Variants in ARPC2 observed in about 807,000 individuals in gnomAD.
The protein encoded by ARPC2 is actin-related protein 2/3 complex subunit 2.
ARPC2 carries 4 observed loss-of-function variants against 38.6 expected under a neutral mutation model. The observed-to-expected ratio is 0.10, with a 90% CI of 0.05 to 0.24. The LOEUF is 0.24. Ranked by LOEUF, ARPC2 falls within the 10% of genes least tolerant of loss-of-function variation. The pLI is 1.00. For missense variants in ARPC2, 229 were observed against 387.3 expected, an observed-to-expected ratio of 0.59 and a Z score of 3.43; for synonymous variants, 125 against 140.8, an observed-to-expected ratio of 0.89 and a Z score of 0.79.
At chr2:218,226,010 A>T (rs1353247764) in intron 3 of ARPC2, 56 bp downstream of exon 3, 1 of 1,582,330 alleles carries the variant, frequency 6.3e-7, no homozygotes, top group East Asian at 2.2e-5. Context: ...AAAATAGGAA[A>T]TAGGCTGGGT....
At chr2:218,229,620 T>A (rs952893489) in intron 4 of ARPC2, among the ~76,000 whole-genome samples, 1 of 152,242 alleles carries the variant, frequency 6.6e-6, no homozygotes, top group Non-Finnish European at 1.5e-5. Context: ...TGAAAAGTAG[T>A]AGCTTTTGAA....
chr2:218,226,159 G>T (rs1689491093), intron 3 of ARPC2, among the ~76,000 whole-genome samples: 1 of 151,844 alleles, frequency 6.6e-6, no homozygotes, highest in Non-Finnish European at 1.5e-5. Flanking sequence ...CGGGCATGGT[G>T]GTGGGCACCT....
intron 5 of ARPC2, 141 bp from the exon 6 acceptor site, chr2:218,238,523 T>C (rs1311419578): frequency 5.2e-6 from 3 of 572,702 alleles, no homozygotes; most frequent in Non-Finnish European, 9.0e-6. Flanking sequence ...AAAATGTCAA[T>C]AGAACCTGAA....
At position 218,253,913 on chromosome 2, in the gene ARPC2, T is replaced by G; in HGVS notation, c.901T>G (p.Ter301GluextTer4). The change falls in exon 11 of 11, where the codon TAA becomes GAA. Residue 301 changes from the stop codon to glutamate, a stop_lost. Transcript: ENST00000315717. ...AAGGGGGAAGACGTTTTCATCCCGC[T>G]AATCTTGGGAATAAGAGGAGGAAGC... ...TITGKTFSSR[*>E] The G allele has an allele frequency of 6.2e-7, 1 of 1,614,064 alleles. No homozygotes were observed. The highest frequency in any genetic ancestry group is 8.5e-7 in the Non-Finnish European group (1 of 1,179,992).
At chr2:218,226,270 C>T (rs557355987) in intron 3 of ARPC2, among the ~76,000 whole-genome samples, 4 of 149,038 alleles carry the variant, frequency 2.7e-5, no homozygotes, top group African/African-American at 9.9e-5. Flanking sequence ...CCAGCCTGGG[C>T]GATACAGTGA....
intron 2 of ARPC2, among the ~76,000 whole-genome samples, chr2:218,224,673 AC>A (rs1689457115): frequency 1.6e-5 from 2 of 126,582 alleles, no homozygotes; most frequent in South Asian, 6.3e-4. Flanking sequence ...TCGTAGAGAT[AC>A]CCAGTGCGCT....
intron 4 of ARPC2, 32 bp downstream of exon 4, chr2:218,228,882 T>A (rs777467549): frequency 7.2e-7 from 1 of 1,393,742 alleles, no homozygotes; most frequent in South Asian, 1.2e-5. Flanking sequence ...TTGGGACTCT[T>A]GTTTCCTCAC....
intron 4 of ARPC2, among the ~76,000 whole-genome samples, chr2:218,231,999 G>A (rs552976521): frequency 9.2e-5 from 14 of 152,290 alleles, no homozygotes; most frequent in African/African-American, 3.4e-4. Context: ...CAGCACTTTG[G>A]GAGGCCAAGA....
intron 7 of ARPC2, among the ~76,000 whole-genome samples, chr2:218,240,882 A>G (rs1471132359): frequency 2.8e-5 from 2 of 72,488 alleles, no homozygotes; most frequent in Non-Finnish European, 6.0e-5. Context: ...AAAAAGAGCG[A>G]AACTCCGACT....
At position 218,254,021 on chromosome 2, in the gene ARPC2, C is replaced by T. The variant is rs182444966; in HGVS notation, c.*106C>T. Reference sequence around the variant, plus strand: ...CGCCTCTTCAGGTTCTTAAGGGATTCTCCGTTTTGGTTCCATTTTGTACAC... The same window carrying T: ...CGCCTCTTCAGGTTCTTAAGGGATTTTCCGTTTTGGTTCCATTTTGTACAC... On this transcript the variant is annotated 3_prime_UTR_variant, in exon 11 of 11. Transcript: ENST00000315717. 1.7e-5 allele frequency: 25 copies of T among 1,492,374 alleles called. No individual in the cohort carries two copies. The highest frequency in any genetic ancestry group is 2.1e-5 in the Non-Finnish European group (23 of 1,083,666). The allele number at this position is 1,492,374 out of a possible 1,614,324, so 92.4% of individuals were successfully genotyped here.
intron 2 of ARPC2, among the ~76,000 whole-genome samples, chr2:218,222,189 C>T (rs1451979195): frequency 2.0e-5 from 3 of 152,112 alleles, no homozygotes; most frequent in African/African-American, 7.2e-5. Flanking sequence ...ATCACTTGAA[C>T]CCAGGAGGCG....
chr2:218,232,206 A>G (rs929682365), intron 4 of ARPC2, among the ~76,000 whole-genome samples: 1 of 152,160 alleles, frequency 6.6e-6, no homozygotes, highest in African/African-American at 2.4e-5. Flanking sequence ...ACGCCACTGC[A>G]CTCCAGCCTG....
intron 10 of ARPC2, 138 bp from the exon 11 acceptor site, chr2:218,253,753 C>A: frequency 9.3e-7 from 1 of 1,074,426 alleles, no homozygotes; most frequent in South Asian, 1.8e-5. Context: ...CCTGTGGTTC[C>A]AGTGCCTCTG....
chr2:218,226,893 G>C (rs566469880), intron 3 of ARPC2: 7 of 383,056 alleles, frequency 1.8e-5, no homozygotes, highest in Non-Finnish European at 3.9e-5. Context: ...TAGAGTAGTA[G>C]GGAAACATGA....
intron 4 of ARPC2, among the ~76,000 whole-genome samples, chr2:218,229,863 C>T (rs1381104407): frequency 6.6e-6 from 1 of 152,104 alleles, no homozygotes; most frequent in Non-Finnish European, 1.5e-5. Flanking sequence ...GAAAGAAGAC[C>T]TAGTGCTTTT....
chr2:218,252,057 C>CT (rs768452084), intron 10 of ARPC2, among the ~76,000 whole-genome samples: 3 of 152,110 alleles, frequency 2.0e-5, no homozygotes, highest in Non-Finnish European at 4.4e-5. Context: ...AACCCCATCT[C>CT]TACTAAAAAT....
intron 10 of ARPC2, among the ~76,000 whole-genome samples, chr2:218,251,503 G>C (rs537892546): frequency 6.6e-6 from 1 of 151,522 alleles, no homozygotes; most frequent in Admixed American, 6.6e-5. Context: ...GAGCCACCGC[G>C]CCCAGCCCAG....
chr2:218,230,132 G>A (rs924517296), intron 4 of ARPC2, among the ~76,000 whole-genome samples: 3 of 151,814 alleles, frequency 2.0e-5, no homozygotes, highest in Non-Finnish European at 2.9e-5. Context: ...CGCTACACCT[G>A]GCTAATTTTT....
At chr2:218,253,491 G>A (rs1463608587) in intron 10 of ARPC2, among the ~76,000 whole-genome samples, 1 of 152,244 alleles carries the variant, frequency 6.6e-6, no homozygotes, top group Non-Finnish European at 1.5e-5. Context: ...TGCTATCTGG[G>A]AGCCCTGAGA....
Sources: allele counts gnomAD v4.1 joint callset (sites outside exome capture counted in the v4.1 genomes callset), GRCh38; gene constraint gnomAD v4.1.1; transcripts MANE v1.5; gene names NCBI Gene and HGNC (gene_info 2026-07-23, HGNC 2026-07-21).